ADGRL3: variants seen among roughly 807,000 people sequenced by gnomAD.
The protein encoded by ADGRL3 is adhesion G protein-coupled receptor L3.
In ADGRL3, 62 loss-of-function variants were observed where a neutral mutation model predicts 153.5. The ratio of observed to expected loss-of-function variants is 0.40; its 90% CI spans 0.33 to 0.50. The LOEUF (loss-of-function observed/expected upper bound fraction) is 0.50, where lower values mean the gene tolerates loss of function less well. Ranked by LOEUF, ADGRL3 falls within the 20% of genes least tolerant of loss-of-function variation. The probability of loss-of-function intolerance (pLI) is 0.47; values close to 1 mark genes in which losing one functional copy is unlikely to be tolerated. For missense variants in ADGRL3, 1,641 were observed against 1,859.4 expected, an observed-to-expected ratio of 0.88 and a Z score of 2.16; for synonymous variants, 710 against 672.5, an observed-to-expected ratio of 1.06 and a Z score of -0.86.
chr4:62,061,015 T>C (rs1739818630), intron 25 of ADGRL3, among the ~76,000 whole-genome samples: 1 of 151,974 alleles, frequency 6.6e-6, no homozygotes, highest in Non-Finnish European at 1.5e-5. Flanking sequence ...GCCTTCCAAC[T>C]CTAGAGATCT....
chr4:61,483,507 G>T (rs889556359), intron 2 of ADGRL3, among the ~76,000 whole-genome samples: 1 of 152,276 alleles, frequency 6.6e-6, no homozygotes, highest in Non-Finnish European at 1.5e-5. Context: ...GGAGGCTGAG[G>T]TGGGCAGATC....
chr4:61,892,309 G>A (rs1051510168), intron 9 of ADGRL3, among the ~76,000 whole-genome samples: 1 of 151,956 alleles, frequency 6.6e-6, no homozygotes, highest in Non-Finnish European at 1.5e-5. Flanking sequence ...TAAGGAGAGG[G>A]CTTAAAGTTT....
At chr4:61,938,297 A>C (rs2098847659) in intron 15 of ADGRL3, among the ~76,000 whole-genome samples, 1 of 152,190 alleles carries the variant, frequency 6.6e-6, no homozygotes, top group Non-Finnish European at 1.5e-5. Flanking sequence ...AAAAATCAGC[A>C]TTTTAATATC....
intron 17 of ADGRL3, among the ~76,000 whole-genome samples, chr4:61,962,459 C>T (rs933350443): frequency 2.6e-5 from 4 of 151,450 alleles, no homozygotes; most frequent in African/African-American, 7.3e-5. Context: ...CATACGTTGC[C>T]TTCATTTGCC....
At chr4:61,820,563 C>A (rs1170544547) in intron 9 of ADGRL3, among the ~76,000 whole-genome samples, 1 of 152,124 alleles carries the variant, frequency 6.6e-6, no homozygotes, top group African/African-American at 2.4e-5. Context: ...TTTTAAAAAG[C>A]TTCTTCTCAA....
intron 2 of ADGRL3, among the ~76,000 whole-genome samples, chr4:61,456,473 ATATCTATATATATAGATATATC>A (rs2097755663): frequency 3.1e-5 from 4 of 129,356 alleles, no homozygotes; most frequent in Non-Finnish European, 6.4e-5. Flanking sequence ...AGATATATCT[ATATCTATATATATAGATATATC>A]TATATCTATA....
At chr4:61,901,538 T>C (rs2098664575) in intron 11 of ADGRL3, among the ~76,000 whole-genome samples, 1 of 152,192 alleles carries the variant, frequency 6.6e-6, no homozygotes. Flanking sequence ...TTATTTAACT[T>C]ATGTTTAATT....
rs71281828 is a variant in ADGRL3 at position 61,781,331 on chromosome 4, C to CAAAAAAAAAAAAAAAAAAAAAAA, written c.1400-32462_1400-32461insAAAAAAAAAAAAAAAAAAAAAAA. 4.3e-4 allele frequency among the ~76,000 whole-genome samples: 28 copies of CAAAAAAAAAAAAAAAAAAAAAAA among 64,378 alleles called. 1 individual carries two copies. Among genetic ancestry groups the CAAAAAAAAAAAAAAAAAAAAAAA allele is most frequent in the Admixed American group, 1.6e-3 (9 of 5,760 alleles). The allele number at this position is 64,378 out of a possible 152,430, so 42.2% of individuals were successfully genotyped here. A position where few individuals can be genotyped will look rare whatever the true frequency, so the allele number is the denominator to read the frequency against. On this transcript the variant is annotated intron_variant, in intron 8 of 26. Transcript: ENST00000683033. Reference sequence around the variant, plus strand: ...GGCAAAAAGAGCAAAATTCTGCCTCCAAAAAAAAAAAAAAAAGAAAAGAAA... The same window carrying CAAAAAAAAAAAAAAAAAAAAAAA: ...GGCAAAAAGAGCAAAATTCTGCCTCCAAAAAAAAAAAAAAAAAAAAAAAAAAAAAAAAAAAAAAAGAAAAGAAA...
intron 1 of ADGRL3, among the ~76,000 whole-genome samples, chr4:61,346,630 C>T (rs544471869): frequency 6.6e-6 from 1 of 150,930 alleles, no homozygotes; most frequent in African/African-American, 2.4e-5. Context: ...AAAAAAATAG[C>T]CAGACATGGT....
intron 25 of ADGRL3, among the ~76,000 whole-genome samples, chr4:62,056,528 T>A (rs1737103061): frequency 6.6e-6 from 1 of 152,038 alleles, no homozygotes; most frequent in Admixed American, 6.6e-5. Context: ...TTCATAGATC[T>A]CATCTCCCTG....
At chr4:61,360,609 A>G (rs1294087564) in intron 1 of ADGRL3, among the ~76,000 whole-genome samples, 4 of 152,190 alleles carry the variant, frequency 2.6e-5, no homozygotes, top group African/African-American at 9.6e-5. Context: ...TCTTTCCTGG[A>G]ATGAGTCAAT....
intron 8 of ADGRL3, among the ~76,000 whole-genome samples, chr4:61,808,060 G>T (rs1358370824): frequency 6.6e-6 from 1 of 152,058 alleles, no homozygotes; most frequent in Non-Finnish European, 1.5e-5. Flanking sequence ...ACTATGACAT[G>T]CTCTTCCCTC....
chr4:61,674,618 A>C (rs1259298198), intron 5 of ADGRL3, among the ~76,000 whole-genome samples: 1 of 151,842 alleles, frequency 6.6e-6, no homozygotes, highest in East Asian at 1.9e-4. Context: ...CTTTTCCATT[A>C]TGTCTACTTT....
At chr4:61,366,881 T>C (rs1048299933) in intron 1 of ADGRL3, among the ~76,000 whole-genome samples, 3 of 152,182 alleles carry the variant, frequency 2.0e-5, no homozygotes, top group African/African-American at 7.2e-5. Flanking sequence ...AAGTTTACAA[T>C]TGACTGTGAA....
At chr4:61,344,707 A>G (rs2095866759) in intron 1 of ADGRL3, among the ~76,000 whole-genome samples, 3 of 152,182 alleles carry the variant, frequency 2.0e-5, no homozygotes, top group Admixed American at 2.0e-4. Context: ...TAAGTGTACT[A>G]CATGTAAATC....
intron 9 of ADGRL3, among the ~76,000 whole-genome samples, chr4:61,833,465 TG>T (rs1402868986): frequency 6.6e-6 from 1 of 152,080 alleles, no homozygotes; most frequent in Non-Finnish European, 1.5e-5. Context: ...GACAACTTGG[TG>T]GGTAGGAGCC....
rs149959605 is a variant in ADGRL3 at position 61,653,942 on chromosome 4, C to T, written c.474-22884C>T. ...AAATACTAGGTAGGCAAATAGATGTCGCTACATTCAATTAGCCTAAAAGCT... is the reference window on the plus strand; with the variant it reads ...AAATACTAGGTAGGCAAATAGATGTTGCTACATTCAATTAGCCTAAAAGCT... On this transcript the variant is annotated intron_variant, in intron 5 of 26. Coordinates refer to ENST00000683033, the MANE Select transcript of ADGRL3 (RefSeq NM_001387552.1). 9.5e-3 allele frequency among the ~76,000 whole-genome samples: 1,446 copies of T among 152,202 alleles called. 26 individuals carry two copies. Among genetic ancestry groups the T allele is most frequent in the African/African-American group, 0.032 (1,328 of 41,534 alleles).
chr4:61,274,022 T>A (rs755948945), intron 1 of ADGRL3, among the ~76,000 whole-genome samples: 56 of 152,172 alleles, frequency 3.7e-4, no homozygotes, highest in Non-Finnish European at 6.5e-4. Flanking sequence ...TAAGGTGACC[T>A]TTATCTTTCT....
At chr4:61,244,624 T>C (rs1347461898) in intron 1 of ADGRL3, among the ~76,000 whole-genome samples, 1 of 152,040 alleles carries the variant, frequency 6.6e-6, no homozygotes, top group Non-Finnish European at 1.5e-5. Context: ...TTTCTTGTTA[T>C]GGAACGGCTG....
Sources: gnomAD v4.1 joint callset for allele counts (sites outside exome capture counted in the v4.1 genomes callset) on GRCh38, gnomAD v4.1.1 for gene constraint, MANE v1.5 for transcripts, NCBI Gene and HGNC (gene_info 2026-07-23, HGNC 2026-07-21) for gene names.